OR1F1: variants seen among roughly 807,000 people sequenced by gnomAD.
OR1F1 encodes the protein olfactory receptor 1F1.
For missense variants in OR1F1, 493 were observed against 376.3 expected, an observed-to-expected ratio of 1.31 and a Z score of -2.57; for synonymous variants, 184 against 156.7, an observed-to-expected ratio of 1.17 and a Z score of -1.30.
chr16:3,201,491 T>C (rs6501153), upstream of OR1F1, among the ~76,000 whole-genome samples: 42,419 of 152,126 alleles, frequency 0.28, 6,588 homozygotes, highest in African/African-American at 0.42. Flanking sequence ...CATTTTTGTC[T>C]GCTTGTTTAA....
the OR1F1 span, among the ~76,000 whole-genome samples, chr16:3,193,872 TAA>T: frequency 2.6e-5 from 4 of 152,334 alleles, no homozygotes; most frequent in South Asian, 6.2e-4. Flanking sequence ...CCACCCGCGA[TAA>T]GTTATTCTGT....
chr16:3,204,453 G>A (rs376104596), exon 1 of OR1F1: 10 of 1,614,076 alleles, frequency 6.2e-6, no homozygotes, highest in Non-Finnish European at 8.5e-6. Context: ...TGTCTTTTGT[G>A]GACATCTGCT....
the OR1F1 span, among the ~76,000 whole-genome samples, chr16:3,190,001 C>T: frequency 6.6e-6 from 1 of 152,070 alleles, no homozygotes; most frequent in Admixed American, 6.6e-5. Context: ...ACTCGAGGCA[C>T]CGAAGAAGAG....
exon 1 of OR1F1, chr16:3,204,477 C>T (rs749840047): frequency 5.9e-5 from 95 of 1,614,012 alleles, no homozygotes; most frequent in Non-Finnish European, 7.1e-5. Flanking sequence ...CCTTCACCAC[C>T]GTCCCCAAGA....
At chr16:3,203,497 G>C (rs925479868), upstream of OR1F1, among the ~76,000 whole-genome samples, 1 of 152,232 alleles carries the variant, frequency 6.6e-6, no homozygotes, top group African/African-American at 2.4e-5. Context: ...CAGGTGTGGT[G>C]GCTCACGCCT....
chr16:3,200,295 G>A (rs1958122042), upstream of OR1F1, among the ~76,000 whole-genome samples: 1 of 152,062 alleles, frequency 6.6e-6, no homozygotes, highest in Non-Finnish European at 1.5e-5. Flanking sequence ...CTCCACCCAG[G>A]GATATGTTTT....
At chr16:3,204,115 G>A (rs1200858451), upstream of OR1F1, 1 of 667,712 alleles carries the variant, frequency 1.5e-6, no homozygotes, top group East Asian at 2.7e-5. Context: ...CCCCAGCAGG[G>A]TTGACAATAT....
chr16:3,198,826 A>G, the OR1F1 span, among the ~76,000 whole-genome samples: 1 of 151,986 alleles, frequency 6.6e-6, no homozygotes, highest in African/African-American at 2.4e-5. Flanking sequence ...CGGCTCTACA[A>G]AAAATACAAA....
chr16:3,196,226 C>T, the OR1F1 span, among the ~76,000 whole-genome samples: 1 of 152,208 alleles, frequency 6.6e-6, no homozygotes, highest in African/African-American at 2.4e-5. Flanking sequence ...GTGTTGAGCA[C>T]ATGTTTCCTT....
downstream of OR1F1, among the ~76,000 whole-genome samples, chr16:3,205,757 C>T (rs1958200674): frequency 6.6e-6 from 1 of 152,148 alleles, no homozygotes; most frequent in African/African-American, 2.4e-5. Flanking sequence ...ATTTCTCATG[C>T]CTGTCTTTAC....
chr16:3,193,221 C>T, the OR1F1 span, among the ~76,000 whole-genome samples: 1 of 152,220 alleles, frequency 6.6e-6, no homozygotes, highest in African/African-American at 2.4e-5. Flanking sequence ...CCTCCACGCC[C>T]GGCCCCTGCA....
chr16:3,193,109 T>C, the OR1F1 span, among the ~76,000 whole-genome samples: 1 of 152,168 alleles, frequency 6.6e-6, no homozygotes, highest in East Asian at 1.9e-4. Flanking sequence ...GTATTTTTAG[T>C]AGAGACGGGG....
chr16:3,205,262 A>G, downstream of OR1F1: 1 of 1,019,366 alleles, frequency 9.8e-7, no homozygotes, highest in Non-Finnish European at 1.5e-6. Flanking sequence ...TAGTTGTTTC[A>G]TTAAATGATG....
chr16:3,202,108 G>C (rs1958141410), upstream of OR1F1, among the ~76,000 whole-genome samples: 3 of 152,150 alleles, frequency 2.0e-5, no homozygotes, highest in South Asian at 6.2e-4. Context: ...TGCAGACTAG[G>C]CCTCACTTTG....
chr16:3,191,316 A>G, the OR1F1 span: 2 of 152,184 alleles, frequency 1.3e-5, no homozygotes, highest in Non-Finnish European at 2.9e-5. Flanking sequence ...GGTCATCTCC[A>G]TTTATGGGAG....
In OR1F1 at chr16:3,204,874, C is replaced by A. The variant is rs764702382; in HGVS notation, c.628C>A (p.Pro210Thr). 1.9e-6 allele frequency: 3 copies of A among 1,614,162 alleles called. No homozygotes were observed. In the Admixed American group the frequency reaches 5.0e-5, roughly 27 times the overall value. Residue 210 changes from proline to threonine, a missense_variant, in exon 1 of 1, where the codon CCA becomes ACA. Physicochemically the swap from Pro to Thr is conservative, Grantham distance 38 (BLOSUM62 -1). Transcript: ENST00000304646. ...TGAGGGTGCCCTGGTCATGATCACC[C>A]CATTTCTTTGCATCCTGGCTTCTTA...
the OR1F1 span, among the ~76,000 whole-genome samples, chr16:3,197,693 G>A: frequency 1.6e-4 from 22 of 137,234 alleles, no homozygotes; most frequent in East Asian, 4.4e-4. Context: ...GAGAGGGAGA[G>A]GGAGAGGGAG....
chr16:3,192,597 A>C, the OR1F1 span, among the ~76,000 whole-genome samples: 31 of 152,334 alleles, frequency 2.0e-4, no homozygotes, highest in East Asian at 6.0e-3. Context: ...AATGACAGTC[A>C]CAGCGGATTC....
chr16:3,194,421 C>A, the OR1F1 span, among the ~76,000 whole-genome samples: 20 of 152,280 alleles, frequency 1.3e-4, no homozygotes, highest in Admixed American at 5.2e-4. Context: ...TGTTCAAAAA[C>A]GGGAAGGGAG....
Sources: gnomAD v4.1 joint callset for allele counts (sites outside exome capture counted in the v4.1 genomes callset) on GRCh38, gnomAD v4.1.1 for gene constraint, MANE v1.5 for transcripts, NCBI Gene and HGNC (gene_info 2026-07-23, HGNC 2026-07-21) for gene names.